The following EPHA6 variants were observed in gnomAD, a reference collection of about 807,000 sequenced individuals.
EPHA6 encodes the protein EPH receptor A6.
A neutral mutation model predicts 112.0 loss-of-function variants in EPHA6; 50 were observed. The observed-to-expected ratio is 0.45, with a 90% confidence interval of 0.36 to 0.56. The LOEUF is 0.56. EPHA6 is among the 20% of genes least tolerant of loss of function. The probability of loss-of-function intolerance (pLI) is 0.00; values close to 1 mark genes in which losing one functional copy is unlikely to be tolerated. For synonymous variants in EPHA6, 529 were observed against 490.7 expected, an observed-to-expected ratio of 1.08 and a Z score of -1.03; for missense variants, 1,280 against 1,417.4, an observed-to-expected ratio of 0.90 and a Z score of 1.56.
chr3:96,990,145 T>G (rs540780197), intron 3 of EPHA6, among the ~76,000 whole-genome samples: 5 of 152,226 alleles, frequency 3.3e-5, no homozygotes, highest in Non-Finnish European at 7.3e-5. Context: ...TTATGTGATT[T>G]GCTATTACTA....
chr3:96,963,579 A>G (rs550775774), intron 2 of EPHA6, among the ~76,000 whole-genome samples: 85 of 152,188 alleles, frequency 5.6e-4, no homozygotes, highest in Non-Finnish European at 1.1e-3. Flanking sequence ...GCAGTTTACA[A>G]TATATGGCTG....
chr3:97,271,438 A>G (rs1300063128), intron 5 of EPHA6, among the ~76,000 whole-genome samples: 3 of 152,244 alleles, frequency 2.0e-5, no homozygotes, highest in Non-Finnish European at 4.4e-5. Context: ...GGCTCACTGC[A>G]ACCTCCGCTC....
chr3:96,899,218 A>T (rs2038465254), intron 2 of EPHA6, among the ~76,000 whole-genome samples: 1 of 152,088 alleles, frequency 6.6e-6, no homozygotes, highest in African/African-American at 2.4e-5. Flanking sequence ...CTTGGTTTAT[A>T]GGTGTATCAC....
intron 11 of EPHA6, among the ~76,000 whole-genome samples, chr3:97,574,334 G>A (rs1016630720): frequency 6.6e-6 from 1 of 152,088 alleles, no homozygotes; most frequent in Non-Finnish European, 1.5e-5. Flanking sequence ...CAGTCTCACT[G>A]GATCTATTTG....
chr3:97,610,630 G>A (rs1167075080), intron 12 of EPHA6, among the ~76,000 whole-genome samples, 163 bp from the exon 13 acceptor site: 3 of 151,498 alleles, frequency 2.0e-5, no homozygotes, highest in Non-Finnish European at 4.4e-5. Context: ...AAATATAGAG[G>A]TGCCTATGTA....
chr3:97,658,147 C>T lies in EPHA6; in HGVS notation c.2784+20065C>T, dbSNP rs915307983. Among the ~76,000 whole-genome samples, 8 of 152,016 alleles carry T rather than the reference C, an allele frequency of 5.3e-5. No individual in the cohort carries two copies. The South Asian group carries it at 6.2e-4, about 12-fold the overall frequency. ...GCATTATGCTTTTCTATCTCACCCA[C>T]ACACTTTTAGTTTCTATTATAAGAT... is the stretch of plus-strand genomic sequence containing the variant. On this transcript the variant is annotated intron_variant, in intron 14 of 17. Transcript: ENST00000389672.
At chr3:96,954,351 G>A (rs974176222) in intron 2 of EPHA6, among the ~76,000 whole-genome samples, 2 of 152,152 alleles carry the variant, frequency 1.3e-5, no homozygotes, top group Non-Finnish European at 1.5e-5. Flanking sequence ...CAGCTTTGGT[G>A]ATTTTCCCCA....
At chr3:97,000,210 TA>T (rs1467148987) in intron 3 of EPHA6, among the ~76,000 whole-genome samples, 2 of 151,546 alleles carry the variant, frequency 1.3e-5, no homozygotes, top group African/African-American at 2.4e-5. Flanking sequence ...TAATGTCACT[TA>T]TTTTAGAGTT....
intron 7 of EPHA6, among the ~76,000 whole-genome samples, chr3:97,460,232 C>T (rs576069522): frequency 6.6e-6 from 1 of 152,280 alleles, no homozygotes; most frequent in East Asian, 1.9e-4. Flanking sequence ...TCTTTAGAAC[C>T]ATAAATGAAA....
chr3:97,182,964 T>G (rs2077031430), intron 3 of EPHA6, among the ~76,000 whole-genome samples: 1 of 152,108 alleles, frequency 6.6e-6, no homozygotes, highest in African/African-American at 2.4e-5. Context: ...TTCTTCTTTG[T>G]TTTTTATGGA....
chr3:97,547,673 A>G lies in EPHA6; in HGVS notation c.2386+15130A>G, dbSNP rs370331342. On this transcript the variant is annotated intron_variant, in intron 11 of 17. Coordinates refer to ENST00000389672, the MANE Select transcript of EPHA6 (RefSeq NM_001080448.3). ...CTGCCCCCAGAGGTGGAGCCTACAG[A>G]GGCAGGCAGGACTCCTTGAGCTGTG... Among the ~76,000 whole-genome samples, 25 of 152,298 alleles carry G rather than the reference A, an allele frequency of 1.6e-4. No individual in the cohort carries two copies. The East Asian group carries it at 2.7e-3, about 16-fold the overall frequency.
chr3:97,551,979 A>G (rs1158144772), intron 11 of EPHA6, among the ~76,000 whole-genome samples: 2 of 152,196 alleles, frequency 1.3e-5, no homozygotes, highest in Non-Finnish European at 2.9e-5. Context: ...TCCCTAAAAG[A>G]GGATATATAA....
At chr3:97,716,597 A>G (rs935671997) in intron 14 of EPHA6, among the ~76,000 whole-genome samples, 1 of 150,926 alleles carries the variant, frequency 6.6e-6, no homozygotes. Context: ...AAAAAAAAAA[A>G]AGAAAAGACC....
At chr3:96,854,891 A>G (rs138902156) in intron 1 of EPHA6, among the ~76,000 whole-genome samples, 1 of 152,328 alleles carries the variant, frequency 6.6e-6, no homozygotes, top group Admixed American at 6.5e-5. Flanking sequence ...GCTGTAACAA[A>G]TTACTACATA....
At chr3:97,615,471 C>T (rs894196877) in intron 13 of EPHA6, among the ~76,000 whole-genome samples, 20 of 152,270 alleles carry the variant, frequency 1.3e-4, no homozygotes, top group African/African-American at 3.1e-4. Flanking sequence ...AGAGCAGCAT[C>T]GGTCTGCAGG....
intron 3 of EPHA6, among the ~76,000 whole-genome samples, chr3:97,102,474 A>T (rs765730202): frequency 1.3e-5 from 2 of 152,086 alleles, no homozygotes; most frequent in African/African-American, 2.4e-5. Context: ...CTAAGGCCCA[A>T]TATATTGTAA....
chr3:96,920,983 A>G (rs2039729119), intron 2 of EPHA6, among the ~76,000 whole-genome samples: 1 of 152,046 alleles, frequency 6.6e-6, no homozygotes, highest in South Asian at 2.1e-4. Context: ...TTTGCCCAGA[A>G]TTCTTTAAGA....
At chr3:97,679,088 A>G (rs1386906095) in intron 14 of EPHA6, among the ~76,000 whole-genome samples, 1 of 152,008 alleles carries the variant, frequency 6.6e-6, no homozygotes, top group Non-Finnish European at 1.5e-5. Flanking sequence ...CTGCTTGTTT[A>G]TTATTTATTA....
intron 3 of EPHA6, among the ~76,000 whole-genome samples, chr3:97,036,447 A>G (rs540453277): frequency 1.6e-4 from 25 of 152,172 alleles, no homozygotes; most frequent in African/African-American, 5.8e-4. Context: ...GAGCAAAATC[A>G]TTATTAAAAA....
Sources: gnomAD v4.1 joint callset for allele counts (sites outside exome capture counted in the v4.1 genomes callset) on GRCh38, gnomAD v4.1.1 for gene constraint, MANE v1.5 for transcripts, NCBI Gene and HGNC (gene_info 2026-07-23, HGNC 2026-07-21) for gene names.